The following NSUN6 variants were observed in gnomAD, a reference collection of about 807,000 sequenced individuals.
NSUN6 encodes the protein tRNA (cytosine(72)-C(5))-methyltransferase NSUN6.
NSUN6 carries 64 observed loss-of-function variants against 58.0 expected under a neutral mutation model. The ratio of observed to expected loss-of-function variants is 1.10; its 90% CI spans 0.90 to 1.36. NSUN6 has a LOEUF of 1.36. NSUN6 is among the 40% of genes most tolerant of loss of function. The pLI is 0.00. For synonymous variants in NSUN6, 231 were observed against 193.9 expected, an observed-to-expected ratio of 1.19 and a Z score of -1.59; for missense variants, 701 against 550.1, an observed-to-expected ratio of 1.27 and a Z score of -2.74.
intron 8 of NSUN6, among the ~76,000 whole-genome samples, chr10:18,558,321 CAGAATGGAATGGAATGAGGAATGGGAT>C (rs567383455): frequency 0.057 from 7,297 of 127,272 alleles, 267 homozygotes; most frequent in Non-Finnish European, 0.086. Flanking sequence ...GAATGGAGAA[CAGAATGGAATGGAATGAGGAATGGGAT>C]GGAATGGAGA....
chr10:18,595,667 T>A lies in NSUN6; in HGVS notation c.777+541A>T, dbSNP rs546555372. On this transcript the variant is annotated intron_variant, in intron 7 of 10. Coordinates refer to ENST00000377304, the MANE Select transcript of NSUN6 (RefSeq NM_182543.5). ...AATGAGTATTACATTCCTCAAAATGTAAACAACAAATATCCTTTTCTCTTT... is the reference window on the plus strand; with the variant it reads ...AATGAGTATTACATTCCTCAAAATGAAAACAACAAATATCCTTTTCTCTTT... Among the ~76,000 whole-genome samples the A allele has an allele frequency of 3.9e-5, 6 of 152,338 alleles. No homozygotes were observed. In the South Asian group the frequency reaches 1.2e-3, roughly 32 times the overall value.
chr10:18,597,441 A>T (rs76903906), intron 6 of NSUN6, among the ~76,000 whole-genome samples: 1,555 of 152,256 alleles, frequency 0.01, 12 homozygotes, highest in Non-Finnish European at 0.012. Context: ...TTCCTACCAA[A>T]AGACTGAACA....
At chr10:18,549,497 A>T (rs1273813914) in intron 9 of NSUN6, among the ~76,000 whole-genome samples, 1 of 152,148 alleles carries the variant, frequency 6.6e-6, no homozygotes, top group Non-Finnish European at 1.5e-5. Flanking sequence ...GGGCCATTGC[A>T]TTATTGCCTT....
At chr10:18,575,850 A>G (rs942893863) in intron 8 of NSUN6, among the ~76,000 whole-genome samples, 2 of 152,144 alleles carry the variant, frequency 1.3e-5, no homozygotes, top group Non-Finnish European at 2.9e-5. Context: ...TACTTGGTCT[A>G]TTTTCTACTT....
At chr10:18,645,971 G>C (rs527846763) in intron 2 of NSUN6, among the ~76,000 whole-genome samples, 51 of 152,322 alleles carry the variant, frequency 3.3e-4, no homozygotes, top group African/African-American at 1.1e-3. Flanking sequence ...AAGGCACGCA[G>C]ATCACTTGAA....
At chr10:18,570,456 T>TTCCATTCTCCATTCCAC (rs2056281762) in intron 8 of NSUN6, among the ~76,000 whole-genome samples, 1 of 151,004 alleles carries the variant, frequency 6.6e-6, no homozygotes, top group Non-Finnish European at 1.5e-5. Flanking sequence ...CTCCATTCCA[T>TTCCATTCTCCATTCCAC]TCCATTCTCC....
At chr10:18,622,682 C>T (rs1313204342) in intron 3 of NSUN6, among the ~76,000 whole-genome samples, 1 of 152,184 alleles carries the variant, frequency 6.6e-6, no homozygotes, top group African/African-American at 2.4e-5. Flanking sequence ...GCACTCTAGC[C>T]TGGGCAACAA....
intron 3 of NSUN6, among the ~76,000 whole-genome samples, chr10:18,622,660 G>A (rs1267766915): frequency 6.6e-6 from 1 of 152,224 alleles, no homozygotes; most frequent in Non-Finnish European, 1.5e-5. Flanking sequence ...AGTGAGCAGA[G>A]ATCGTGCCAT....
At chr10:18,579,862 G>A (rs181998742) in intron 8 of NSUN6, among the ~76,000 whole-genome samples, 62 of 152,204 alleles carry the variant, frequency 4.1e-4, no homozygotes, top group Non-Finnish European at 7.9e-4. Flanking sequence ...GGGGAGAGAA[G>A]GCAATCATAT....
chr10:18,596,626 T>C (rs1006149637), intron 6 of NSUN6, among the ~76,000 whole-genome samples: 9 of 152,100 alleles, frequency 5.9e-5, no homozygotes, highest in Non-Finnish European at 2.9e-5. Flanking sequence ...AATAAATAAA[T>C]AAATAACCCA....
chr10:18,577,219 G>C (rs1320959304), intron 8 of NSUN6, among the ~76,000 whole-genome samples: 4 of 152,174 alleles, frequency 2.6e-5, no homozygotes, highest in Non-Finnish European at 1.5e-5. Context: ...GGAGGAGTTT[G>C]ATTCATAATT....
intron 3 of NSUN6, among the ~76,000 whole-genome samples, chr10:18,625,224 T>C (rs1252694356): frequency 6.6e-6 from 1 of 152,174 alleles, no homozygotes; most frequent in Non-Finnish European, 1.5e-5. Flanking sequence ...CTAGGTTCTG[T>C]GAGTCTTAGC....
chr10:18,627,701 G>A (rs933837724), intron 3 of NSUN6, among the ~76,000 whole-genome samples: 5 of 152,366 alleles, frequency 3.3e-5, no homozygotes, highest in East Asian at 1.9e-4. Context: ...GCGCTTTTCC[G>A]ATTGGCTTAA....
chr10:18,565,762 C>G (rs1266597195), intron 8 of NSUN6, among the ~76,000 whole-genome samples: 1 of 150,602 alleles, frequency 6.6e-6, no homozygotes. Context: ...CATTTCATTC[C>G]ATTCCATCCT....
chr10:18,604,616 G>T (rs1437391072), intron 6 of NSUN6, among the ~76,000 whole-genome samples: 1 of 152,030 alleles, frequency 6.6e-6, no homozygotes, highest in East Asian at 2.0e-4. Flanking sequence ...AGGCATGGTG[G>T]CTCACACCTG....
At chr10:18,636,148 T>C (rs2131524271) in intron 3 of NSUN6, among the ~76,000 whole-genome samples, 1 of 151,876 alleles carries the variant, frequency 6.6e-6, no homozygotes, top group African/African-American at 2.4e-5. Flanking sequence ...AGGCAGACAT[T>C]CCCAATCAAG....
At chr10:18,646,852 G>T (rs1330929709) in intron 2 of NSUN6, among the ~76,000 whole-genome samples, 1 of 151,998 alleles carries the variant, frequency 6.6e-6, no homozygotes, top group Admixed American at 6.6e-5. Context: ...AAAAAAATCT[G>T]GATCTGAGTT....
In NSUN6 at chr10:18,627,746, C is replaced by T. The variant is rs566528092; in HGVS notation, c.312-11453G>A. On this transcript the variant is annotated intron_variant, in intron 3 of 10. Transcript: ENST00000377304. ...CACCAGGAGACTATATCCCGCGGCTCGGAGGGTCCTACGCCCACGGAGTCT... is the reference window on the plus strand; with the variant it reads ...CACCAGGAGACTATATCCCGCGGCTTGGAGGGTCCTACGCCCACGGAGTCT... Among the ~76,000 whole-genome samples the T allele has an allele frequency of 3.5e-3, 540 of 152,324 alleles. 6 individuals are homozygous for T. The highest frequency in any genetic ancestry group is 0.012 in the African/African-American group (508 of 41,590).
chr10:18,647,803 C>T (rs1414368394), intron 2 of NSUN6, among the ~76,000 whole-genome samples: 8 of 128,352 alleles, frequency 6.2e-5, no homozygotes, highest in African/African-American at 2.4e-4. Context: ...CATGCAATTT[C>T]GGCTCACTGC....
Sources: gnomAD v4.1 joint callset for allele counts (sites outside exome capture counted in the v4.1 genomes callset) on GRCh38, gnomAD v4.1.1 for gene constraint, MANE v1.5 for transcripts, NCBI Gene and HGNC (gene_info 2026-07-23, HGNC 2026-07-21) for gene names.